The following HECW1 variants were observed in gnomAD, a reference collection of about 807,000 sequenced individuals.
HECW1 encodes the protein HECT, C2 and WW domain containing E3 ubiquitin protein ligase 1.
In HECW1, 61 loss-of-function variants were observed where a neutral mutation model predicts 182.3. The ratio of observed to expected loss-of-function variants is 0.33; its 90% CI spans 0.27 to 0.41. The LOEUF is 0.41. Among genes scored for constraint, HECW1 ranks in the 10% least tolerant of loss-of-function variants. HECW1 has a pLI of 1.00. For synonymous variants in HECW1, 859 were observed against 832.6 expected, an observed-to-expected ratio of 1.03 and a Z score of -0.55; for missense variants, 1,739 against 2,108.9, an observed-to-expected ratio of 0.82 and a Z score of 3.44.
At chr7:43,228,188 T>C (rs1358488117) in intron 2 of HECW1, among the ~76,000 whole-genome samples, 1 of 152,162 alleles carries the variant, frequency 6.6e-6, no homozygotes, top group Admixed American at 6.5e-5. Flanking sequence ...ACAAGTATGT[T>C]AGACAAAATC....
chr7:43,326,312 A>G (rs1159690097), intron 5 of HECW1, among the ~76,000 whole-genome samples: 2 of 152,174 alleles, frequency 1.3e-5, no homozygotes, highest in Admixed American at 6.5e-5. Context: ...GGTGAGGTGA[A>G]CCTCACACAG....
chr7:43,456,486 G>A, intron 13 of HECW1, 39 bp downstream of exon 13: 1 of 1,580,016 alleles, frequency 6.3e-7, no homozygotes, highest in Non-Finnish European at 8.6e-7. Flanking sequence ...CTAAACCACA[G>A]TGAAAGGAGA....
At chr7:43,477,535 G>A (rs777380075) in intron 16 of HECW1, among the ~76,000 whole-genome samples, 15 of 151,826 alleles carry the variant, frequency 9.9e-5, no homozygotes, top group South Asian at 4.2e-4. Flanking sequence ...TATTTTTGAC[G>A]TCACTAGTGT....
chr7:43,511,189 G>A (rs1585138371), intron 24 of HECW1: 1 of 152,236 alleles, frequency 6.6e-6, no homozygotes, highest in Admixed American at 6.5e-5. Flanking sequence ...TCCTTTGTTA[G>A]AGGACTTGGC....
intron 2 of HECW1, among the ~76,000 whole-genome samples, chr7:43,205,942 C>T (rs1164531453): frequency 3.9e-5 from 6 of 152,138 alleles, no homozygotes; most frequent in East Asian, 3.9e-4. Flanking sequence ...GTCCTTTAGC[C>T]CTCCAAGGAG....
rs2077785112 is a variant in HECW1 at position 43,466,487 on chromosome 7, A to G, written c.2832A>G (p.Gln944=). 6.2e-7 allele frequency: 1 copy of G among 1,613,864 alleles called. No individual in the cohort carries two copies. The highest frequency in any genetic ancestry group is 1.3e-5 in the African/African-American group (1 of 74,910). ...GGTCACTTTCTCCAGTGAACTCACA[A>G]AAAATCACCTTGCTGCTGCAGTCCC... The part of the protein sequence containing the change: ...REGSLSPVNS[Q]KITLLLQSPA... Residue 944 remains glutamine, a synonymous_variant, in exon 15 of 30, where the codon CAA becomes CAG. Transcript: ENST00000395891.
chr7:43,159,698 G>A (rs942754313), intron 2 of HECW1, among the ~76,000 whole-genome samples: 1 of 38,184 alleles, frequency 2.6e-5, no homozygotes, highest in Admixed American at 3.5e-4. Context: ...TTTTTTTTTT[G>A]AGATGGAATC....
intron 2 of HECW1, among the ~76,000 whole-genome samples, chr7:43,160,260 T>C (rs1472635814): frequency 6.6e-6 from 1 of 152,202 alleles, no homozygotes; most frequent in Non-Finnish European, 1.5e-5. Flanking sequence ...TTTCAATATT[T>C]CCCCCCAATT....
At chr7:43,254,236 C>G (rs564949938) in intron 3 of HECW1, among the ~76,000 whole-genome samples, 1 of 152,036 alleles carries the variant, frequency 6.6e-6, no homozygotes, top group Admixed American at 6.6e-5. Flanking sequence ...TCCCAGGAGA[C>G]CAAACACAGA....
At chr7:43,404,944 C>T (rs370946514) in intron 7 of HECW1, among the ~76,000 whole-genome samples, 100 of 152,038 alleles carry the variant, frequency 6.6e-4, no homozygotes, top group African/African-American at 2.3e-3. Flanking sequence ...CCATTGCACT[C>T]CAGCCTGGGC....
At chr7:43,341,454 T>C (rs1812991489) in intron 5 of HECW1, among the ~76,000 whole-genome samples, 3 of 151,868 alleles carry the variant, frequency 2.0e-5, no homozygotes, top group Middle Eastern at 3.4e-3. Flanking sequence ...AACAAATTAG[T>C]CAAGTAATAT....
intron 5 of HECW1, among the ~76,000 whole-genome samples, 199 bp downstream of exon 5, chr7:43,320,941 C>G (rs908354142): frequency 2.0e-5 from 3 of 152,182 alleles, no homozygotes; most frequent in African/African-American, 2.4e-5. Flanking sequence ...GCCAGCCAAC[C>G]AGCCCAGAGG....
chr7:43,379,633 A>G (rs1316842702), intron 6 of HECW1, among the ~76,000 whole-genome samples: 2 of 151,992 alleles, frequency 1.3e-5, no homozygotes, highest in Non-Finnish European at 2.9e-5. Context: ...TCCTCTTTCT[A>G]ATCCTTGAAT....
At chr7:43,179,580 TGTC>T (rs575712133) in intron 2 of HECW1, among the ~76,000 whole-genome samples, 1 of 152,090 alleles carries the variant, frequency 6.6e-6, no homozygotes, top group Non-Finnish European at 1.5e-5. Flanking sequence ...TTGTTGTTGT[TGTC>T]GTTTTTGCTG....
rs202167289 is a variant in HECW1 at position 43,359,573 on chromosome 7, CATA to C, written c.461-1310_461-1308del. 3.2e-4 allele frequency among the ~76,000 whole-genome samples: 48 copies of C among 152,270 alleles called. No individual in the cohort carries two copies. The East Asian group carries it at 8.7e-3, about 27-fold the overall frequency. ...AAATGATAGTTGGCCATGCTTATTT[CATA>C]ATGTCAATTTTTTAAAAAAGCAAAA... On this transcript the variant is annotated intron_variant, in intron 5 of 29. Transcript: ENST00000395891.
Position 43,191,344 on chromosome 7 carries a change from CT to C in HECW1, c.-31-52530del, listed in dbSNP as rs1334601702. ...GCTCTATTACAGCGATGTAGCCAGC[CT>C]ATAGCTGTAGCTTGCCAGTTAGCTG... On this transcript the variant is annotated intron_variant, in intron 2 of 29. Transcript: ENST00000395891. Among the ~76,000 whole-genome samples the C allele has an allele frequency of 4.6e-5, 7 of 152,326 alleles. No individual in the cohort carries two copies. The East Asian group carries it at 1.4e-3, about 29-fold the overall frequency.
At chr7:43,511,425 C>G (rs1358375204) in intron 24 of HECW1, 1 of 152,252 alleles carries the variant, frequency 6.6e-6, no homozygotes, top group Non-Finnish European at 1.5e-5. Context: ...CTCTGAATGC[C>G]TCAGTCCCGA....
chr7:43,158,390 A>T (rs1232420300), intron 2 of HECW1, among the ~76,000 whole-genome samples: 1 of 151,702 alleles, frequency 6.6e-6, no homozygotes, highest in Non-Finnish European at 1.5e-5. Context: ...GAAAACATAG[A>T]TAAGCAAAAA....
intron 2 of HECW1, among the ~76,000 whole-genome samples, chr7:43,155,163 T>A (rs565687136): frequency 6.6e-6 from 1 of 152,346 alleles, no homozygotes; most frequent in Admixed American, 6.5e-5. Context: ...TGTGCTTTGC[T>A]CTACCAAGTG....
Sources: allele counts gnomAD v4.1 joint callset (sites outside exome capture counted in the v4.1 genomes callset), GRCh38; gene constraint gnomAD v4.1.1; transcripts MANE v1.5; gene names NCBI Gene and HGNC (gene_info 2026-07-23, HGNC 2026-07-21).